The following ANKRD17 variants were observed in gnomAD, a reference collection of about 807,000 sequenced individuals.
ANKRD17 encodes the protein ankyrin repeat domain-containing protein 17.
Under a neutral mutation model 229.7 loss-of-function variants are expected in ANKRD17, and 19 were observed. The ratio of observed to expected loss-of-function variants is 0.08; its 90% CI spans 0.06 to 0.12. The LOEUF is 0.12. ANKRD17 is among the 10% of genes least tolerant of loss of function. ANKRD17 has a pLI of 1.00. For missense variants in ANKRD17, 2,176 were observed against 3,176.8 expected, an observed-to-expected ratio of 0.68 and a Z score of 7.57; for synonymous variants, 1,112 against 1,146.1, an observed-to-expected ratio of 0.97 and a Z score of 0.60.
intron 1 of ANKRD17, among the ~76,000 whole-genome samples, chr4:73,194,640 T>C (rs1394030941): frequency 6.6e-6 from 1 of 152,168 alleles, no homozygotes; most frequent in Non-Finnish European, 1.5e-5. Context: ...CATTTAACAG[T>C]ATTGACTTTT....
At chr4:73,255,643 CA>C (rs1345776959) in intron 1 of ANKRD17, among the ~76,000 whole-genome samples, 9 of 152,212 alleles carry the variant, frequency 5.9e-5, no homozygotes, top group African/African-American at 2.2e-4. Context: ...TTACTTTGAT[CA>C]AAAGATGAAG....
intron 1 of ANKRD17, among the ~76,000 whole-genome samples, chr4:73,218,470 C>T (rs867214905): frequency 1.3e-5 from 2 of 151,822 alleles, no homozygotes; most frequent in Non-Finnish European, 2.9e-5. Flanking sequence ...TGGAGAAACC[C>T]CATCTCTACT....
At position 73,174,363 on chromosome 4, in the gene ANKRD17, C is replaced by G. The variant is rs534112420; in HGVS notation, c.547+3017G>C. On this transcript the variant is annotated intron_variant, in intron 2 of 33. Coordinates refer to ENST00000358602, the MANE Select transcript of ANKRD17 (RefSeq NM_032217.5). ...GATCATCTCAATGATGCAGAAAAAA[C>G]ATTTGATGAAATCCAGCCATCCCTT... Among the ~76,000 whole-genome samples the G allele has an allele frequency of 5.5e-4, 83 of 152,202 alleles. 1 individual carries two copies. The South Asian group carries it at 0.016, about 29-fold the overall frequency.
intron 1 of ANKRD17, among the ~76,000 whole-genome samples, chr4:73,179,509 TATA>T (rs1560665862): frequency 2.5e-4 from 21 of 85,046 alleles, no homozygotes; most frequent in African/African-American, 6.6e-4. Context: ...TATATATATA[TATA>T]TATATATTTT....
At chr4:73,206,064 A>G (rs1012546761) in intron 1 of ANKRD17, among the ~76,000 whole-genome samples, 2 of 152,222 alleles carry the variant, frequency 1.3e-5, no homozygotes, top group Admixed American at 6.5e-5. Flanking sequence ...AACAGCTATG[A>G]AGAAAAAGAC....
chr4:73,090,525 C>T (rs1722691917), intron 29 of ANKRD17, 142 bp downstream of exon 29: 2 of 1,046,178 alleles, frequency 1.9e-6, no homozygotes, highest in African/African-American at 1.6e-5. Context: ...ATACTAAACA[C>T]AAACAACAGC....
At position 73,152,761 on chromosome 4, in the gene ANKRD17, C is replaced by A. The variant is rs1050696325; in HGVS notation, c.1234+1119G>T. On this transcript the variant is annotated intron_variant, in intron 6 of 33. Coordinates refer to ENST00000358602, the MANE Select transcript of ANKRD17 (RefSeq NM_032217.5). ...GAAGGGGAGAGAGCCACCCAATCAA[C>A]CCACTCCAAGGCTTACCTCCTCTCC... Among the ~76,000 whole-genome samples the A allele has an allele frequency of 2.0e-5, 3 of 152,088 alleles. No individual in the cohort carries two copies. The East Asian group carries it at 5.8e-4, about 29-fold the overall frequency.
At chr4:73,149,655 C>T (rs943710597) in intron 7 of ANKRD17, among the ~76,000 whole-genome samples, 2 of 151,916 alleles carry the variant, frequency 1.3e-5, no homozygotes, top group East Asian at 3.9e-4. Context: ...TTGCTTGAGC[C>T]CAGGAGTTTG....
intron 2 of ANKRD17, among the ~76,000 whole-genome samples, chr4:73,164,717 G>A (rs889267510): frequency 6.6e-6 from 1 of 151,854 alleles, no homozygotes; most frequent in Non-Finnish European, 1.5e-5. Flanking sequence ...ACTTGAACCC[G>A]GGAGGTGAAG....
intron 15 of ANKRD17, among the ~76,000 whole-genome samples, chr4:73,136,077 T>A (rs1728859359): frequency 6.6e-6 from 1 of 152,204 alleles, no homozygotes; most frequent in Non-Finnish European, 1.5e-5. Context: ...GCTATTCTGA[T>A]CAGTACTTGA....
intron 11 of ANKRD17, 115 bp downstream of exon 11, chr4:73,144,630 C>T: frequency 2.0e-6 from 1 of 512,152 alleles, no homozygotes; most frequent in Non-Finnish European, 3.3e-6. Flanking sequence ...ATGTCAGTAG[C>T]ATCCCTCCTC....
chr4:73,234,385 T>C (rs1200781971), intron 1 of ANKRD17, among the ~76,000 whole-genome samples: 2 of 152,358 alleles, frequency 1.3e-5, no homozygotes, highest in African/African-American at 2.4e-5. Flanking sequence ...TTCTGAATTA[T>C]AGCTGAGGTT....
intron 25 of ANKRD17, chr4:73,099,220 C>A: frequency 8.5e-6 from 5 of 589,516 alleles, no homozygotes; most frequent in South Asian, 6.6e-5. Flanking sequence ...CCGCTCCCAC[C>A]GCCCCCGCCC....
intron 22 of ANKRD17, among the ~76,000 whole-genome samples, chr4:73,117,472 G>C (rs1726112495): frequency 6.6e-6 from 1 of 152,196 alleles, no homozygotes; most frequent in Non-Finnish European, 1.5e-5. Flanking sequence ...AGATTAACTT[G>C]ATAATGATAT....
intron 1 of ANKRD17, among the ~76,000 whole-genome samples, chr4:73,183,795 A>G (rs980010490): frequency 6.6e-6 from 1 of 152,096 alleles, no homozygotes; most frequent in Non-Finnish European, 1.5e-5. Context: ...GAGTCTCTGT[A>G]CTTTTGTTCA....
intron 31 of ANKRD17, 145 bp from the exon 32 acceptor site, chr4:73,077,678 A>G: frequency 1.4e-6 from 1 of 710,078 alleles, no homozygotes; most frequent in Non-Finnish European, 2.1e-6. Context: ...CAATATTTCC[A>G]TGGTTTGTAA....
chr4:73,175,872 A>C (rs1050773166), intron 2 of ANKRD17, among the ~76,000 whole-genome samples: 2 of 152,162 alleles, frequency 1.3e-5, no homozygotes, highest in African/African-American at 4.8e-5. Context: ...ACATTGGGGA[A>C]ACTCTCCAGG....
chr4:73,088,559 T>A (rs557410537), intron 29 of ANKRD17, among the ~76,000 whole-genome samples: 4 of 152,282 alleles, frequency 2.6e-5, no homozygotes, highest in South Asian at 4.1e-4. Context: ...AGTATTAAAT[T>A]CCAACTACTA....
chr4:73,112,974 G>A (rs1002435649), intron 24 of ANKRD17: 13 of 558,490 alleles, frequency 2.3e-5, no homozygotes, highest in Non-Finnish European at 2.9e-5. Flanking sequence ...TTTTGGTAGA[G>A]ACGGTGTTTT....
Sources: gnomAD v4.1 joint callset for allele counts (sites outside exome capture counted in the v4.1 genomes callset) on GRCh38, gnomAD v4.1.1 for gene constraint, MANE v1.5 for transcripts, NCBI Gene and HGNC (gene_info 2026-07-23, HGNC 2026-07-21) for gene names.